The following FGD4 variants were observed in gnomAD, a reference collection of about 807,000 sequenced individuals.
The protein encoded by FGD4 is FYVE, RhoGEF and PH domain containing 4.
FGD4 carries 42 observed loss-of-function variants against 102.0 expected under a neutral mutation model. That is an observed-to-expected ratio of 0.41 (90% CI 0.32 to 0.53). The LOEUF is 0.53. Among genes scored for constraint, FGD4 ranks in the 20% least tolerant of loss-of-function variants. The probability of loss-of-function intolerance (pLI) is 0.21; values close to 1 mark genes in which losing one functional copy is unlikely to be tolerated. For missense variants in FGD4, 902 were observed against 1,078.2 expected, an observed-to-expected ratio of 0.84 and a Z score of 2.29; for synonymous variants, 380 against 375.7, an observed-to-expected ratio of 1.01 and a Z score of -0.13.
chr12:32,561,502 A>G (rs1399580325), intron 1 of FGD4, among the ~76,000 whole-genome samples: 1 of 152,218 alleles, frequency 6.6e-6, no homozygotes, highest in African/African-American at 2.4e-5. Context: ...GTTTTCAATA[A>G]TTAAGGCTTA....
chr12:32,526,442 G>T (rs1220927056), intron 1 of FGD4, among the ~76,000 whole-genome samples: 6 of 152,146 alleles, frequency 3.9e-5, no homozygotes, highest in South Asian at 2.1e-4. Context: ...GGAGAACCTG[G>T]GTGTGGAAAC....
chr12:32,546,352 C>T (rs1037754524), intron 1 of FGD4, among the ~76,000 whole-genome samples: 1 of 152,220 alleles, frequency 6.6e-6, no homozygotes, highest in Non-Finnish European at 1.5e-5. Flanking sequence ...GCAGGAGCCA[C>T]CACCCCAGAC....
chr12:32,496,562 G>C (rs1396687485), intron 1 of FGD4, among the ~76,000 whole-genome samples: 1 of 152,104 alleles, frequency 6.6e-6, no homozygotes, highest in East Asian at 1.9e-4. Context: ...GCATATTATA[G>C]AAGTCTCATT....
intron 1 of FGD4, among the ~76,000 whole-genome samples, chr12:32,471,189 C>T (rs1943407454): frequency 6.6e-6 from 1 of 152,162 alleles, no homozygotes; most frequent in Non-Finnish European, 1.5e-5. Flanking sequence ...AGAATTACAT[C>T]ATTGCCTTCC....
chr12:32,473,566 G>T (rs1419873005), intron 1 of FGD4, among the ~76,000 whole-genome samples: 2 of 151,874 alleles, frequency 1.3e-5, no homozygotes, highest in Admixed American at 6.6e-5. Flanking sequence ...CTCCAGACGC[G>T]CCACCTTAAG....
intron 15 of FGD4, among the ~76,000 whole-genome samples, chr12:32,634,584 T>C (rs1228095712): frequency 6.6e-6 from 1 of 152,170 alleles, no homozygotes; most frequent in African/African-American, 2.4e-5. Flanking sequence ...ACAGGTTATA[T>C]AATAAGGCCT....
intron 1 of FGD4, among the ~76,000 whole-genome samples, chr12:32,558,135 A>C (rs1432546360): frequency 6.6e-6 from 1 of 152,238 alleles, no homozygotes; most frequent in Non-Finnish European, 1.5e-5. Context: ...GGGACATTCC[A>C]CAAAATACCT....
intron 1 of FGD4, among the ~76,000 whole-genome samples, chr12:32,540,530 A>G (rs921061700): frequency 6.6e-6 from 1 of 151,452 alleles, no homozygotes; most frequent in Admixed American, 6.6e-5. Flanking sequence ...TAGGCCCTTC[A>G]GGAGATTGAC....
At chr12:32,619,562 G>A in intron 10 of FGD4, 136 bp from the exon 11 acceptor site, 2 of 936,198 alleles carry the variant, frequency 2.1e-6, no homozygotes, top group Non-Finnish European at 3.3e-6. Context: ...AACCCGGGAG[G>A]CAGAGCTTAC....
At chr12:32,502,165 C>T in intron 1 of FGD4, 1 of 985,496 alleles carries the variant, frequency 1.0e-6, no homozygotes, top group Non-Finnish European at 1.2e-6. Flanking sequence ...ATGTGATTAT[C>T]CTTGCTGGGC....
At chr12:32,519,157 G>A (rs1035429347) in intron 1 of FGD4, among the ~76,000 whole-genome samples, 3 of 119,248 alleles carry the variant, frequency 2.5e-5, no homozygotes, top group East Asian at 5.0e-4. Flanking sequence ...CCCCACCGCC[G>A]CCCCCACCAT....
At chr12:32,581,897 G>GTCT (rs775451167) in intron 3 of FGD4, 63 bp from the exon 4 acceptor site, 17 of 1,574,596 alleles carry the variant, frequency 1.1e-5, no homozygotes, top group Admixed American at 8.5e-5. Context: ...GAATAAACTT[G>GTCT]TCTTAATTCT....
chr12:32,534,302 TC>T (rs1418339637), intron 1 of FGD4: 1 of 1,331,874 alleles, frequency 7.5e-7, no homozygotes, highest in Non-Finnish European at 9.6e-7. Flanking sequence ...GGCAGTAAGT[TC>T]GAAGAATGCA....
At chr12:32,614,529 A>G (rs1172081032) in intron 10 of FGD4, among the ~76,000 whole-genome samples, 1 of 152,242 alleles carries the variant, frequency 6.6e-6, no homozygotes, top group Non-Finnish European at 1.5e-5. Flanking sequence ...GAAAACTAGC[A>G]AAAGATTTTA....
intron 1 of FGD4, among the ~76,000 whole-genome samples, chr12:32,446,930 C>T (rs1243078197): frequency 3.9e-5 from 6 of 152,146 alleles, no homozygotes; most frequent in African/African-American, 4.8e-5. Context: ...TGCCCAGAGC[C>T]GGAAGCACAG....
intron 1 of FGD4, among the ~76,000 whole-genome samples, chr12:32,519,101 A>T: frequency 7.0e-6 from 1 of 142,962 alleles, no homozygotes. Context: ...GGGCAACAAA[A>T]GCAAAACTCC....
chr12:32,603,883 T>TTA (rs1159961723), intron 7 of FGD4, among the ~76,000 whole-genome samples: 1 of 152,036 alleles, frequency 6.6e-6, no homozygotes, highest in African/African-American at 2.4e-5. Flanking sequence ...TAGAATTTTT[T>TTA]TATAGAAACA....
chr12:32,589,194 C>T (rs1947279130), intron 4 of FGD4, among the ~76,000 whole-genome samples: 1 of 152,196 alleles, frequency 6.6e-6, no homozygotes, highest in Admixed American at 6.5e-5. Flanking sequence ...ATTAATTAAA[C>T]ATCCTGTTTC....
chr12:32,496,411 T>A (rs1937821475), intron 1 of FGD4, among the ~76,000 whole-genome samples: 1 of 152,200 alleles, frequency 6.6e-6, no homozygotes, highest in Non-Finnish European at 1.5e-5. Context: ...GTACTATACA[T>A]CTATTTTATC....
Sources: allele counts gnomAD v4.1 joint callset (sites outside exome capture counted in the v4.1 genomes callset), GRCh38; gene constraint gnomAD v4.1.1; transcripts MANE v1.5; gene names NCBI Gene and HGNC (gene_info 2026-07-23, HGNC 2026-07-21).